The following ACKR2 variants were observed in gnomAD, a reference collection of about 807,000 sequenced individuals.
ACKR2 encodes atypical chemokine receptor 2, also known as C-C chemokine receptor D6.
For synonymous variants in ACKR2, 207 were observed against 192.2 expected, an observed-to-expected ratio of 1.08 and a Z score of -0.64; for missense variants, 457 against 477.3, an observed-to-expected ratio of 0.96 and a Z score of 0.40.
At chr3:42,844,005 C>G (rs1023097424) in intron 2 of ACKR2, 1 of 152,222 alleles carries the variant, frequency 6.6e-6, no homozygotes, top group Admixed American at 6.5e-5. Context: ...TCTACCTCTC[C>G]GGGAACCCGC....
rs1311411226 is a variant in ACKR2, at chr3:42,866,051, A to T, written c.*394A>T. On this transcript the variant is annotated 3_prime_UTR_variant, in exon 3 of 3. Coordinates refer to ENST00000422265, the MANE Select transcript of ACKR2 (RefSeq NM_001296.5). ...GAATGCAGTGGCGAGATCTCCGCTC[A>T]CTGTAGCCTCCTCCCCCTGGGTTGA... The T allele has an allele frequency of 5.6e-6, 1 of 179,848 alleles. No individual in the cohort carries two copies. The highest frequency in any genetic ancestry group is 1.6e-4 in the East Asian group (1 of 6,386). 11.1% of individuals were successfully genotyped at this position (179,848 alleles called of 1,614,324 possible).
chr3:42,836,304 G>C (rs1425338932), intron 2 of ACKR2, among the ~76,000 whole-genome samples: 2 of 152,122 alleles, frequency 1.3e-5, no homozygotes, highest in African/African-American at 4.8e-5. Context: ...GGATCAAGAT[G>C]AACCCTAGAG....
intron 2 of ACKR2, among the ~76,000 whole-genome samples, chr3:42,829,836 G>T (rs1244018200): frequency 6.6e-6 from 1 of 152,170 alleles, no homozygotes; most frequent in Non-Finnish European, 1.5e-5. Flanking sequence ...TGAAGGGGCT[G>T]TACCTTGACT....
In ACKR2 at chr3:42,865,197, G is replaced by A. The variant is rs781335034; in HGVS notation, c.695G>A (p.Arg232His). The change falls in exon 3 of 3, where the codon CGT becomes CAT. Residue 232 changes from arginine to histidine, a missense_variant. Physicochemically the swap from Arg to His is conservative, Grantham distance 29 (BLOSUM62 0). Coordinates refer to ENST00000422265, the MANE Select transcript of ACKR2 (RefSeq NM_001296.5). ...CTTGCCATGATCTTCTTCTACTCCC[G>A]TATTGGTTGTGTCTTGGTGAGGCTG... ...PLLAMIFFYSRIGCVLVRLRP... is the reference protein window; with the variant it reads ...PLLAMIFFYSHIGCVLVRLRP... The A allele has an allele frequency of 5.6e-6, 9 of 1,613,992 alleles. No individual in the cohort carries two copies. Among genetic ancestry groups the A allele is most frequent in the South Asian group, 4.4e-5 (4 of 91,082 alleles).
At chr3:42,827,255 A>T (rs1016111223) in intron 2 of ACKR2, among the ~76,000 whole-genome samples, 1 of 152,198 alleles carries the variant, frequency 6.6e-6, no homozygotes, top group Admixed American at 6.5e-5. Flanking sequence ...ACCTGGTTAA[A>T]CATTATTCAT....
chr3:42,847,545 C>T (rs1575387056), intron 2 of ACKR2, among the ~76,000 whole-genome samples: 1 of 152,206 alleles, frequency 6.6e-6, no homozygotes, highest in African/African-American at 2.4e-5. Flanking sequence ...TGGACTGACT[C>T]TCTCATGAGT....
At chr3:42,840,694 T>C (rs903590592) in intron 2 of ACKR2, among the ~76,000 whole-genome samples, 1 of 152,206 alleles carries the variant, frequency 6.6e-6, no homozygotes, top group African/African-American at 2.4e-5. Flanking sequence ...TTGTTTTGTT[T>C]TGTTTTTTGT....
At chr3:42,845,521 C>A (rs1057191170) in intron 2 of ACKR2, among the ~76,000 whole-genome samples, 3 of 152,292 alleles carry the variant, frequency 2.0e-5, no homozygotes, top group Admixed American at 6.5e-5. Context: ...GGGACCATAT[C>A]TGGCTAATTT....
chr3:42,855,813 G>A (rs2088311339), intron 2 of ACKR2, among the ~76,000 whole-genome samples: 1 of 152,210 alleles, frequency 6.6e-6, no homozygotes, highest in Non-Finnish European at 1.5e-5. Flanking sequence ...TGTAGAGAGA[G>A]AACAAAGGTG....
intron 2 of ACKR2, among the ~76,000 whole-genome samples, chr3:42,837,067 AC>A (rs1700993114): frequency 6.6e-6 from 1 of 152,058 alleles, no homozygotes; most frequent in Middle Eastern, 3.2e-3. Flanking sequence ...AATGTGCAAG[AC>A]CCTAGGATGC....
intron 1 of ACKR2, among the ~76,000 whole-genome samples, chr3:42,812,902 T>C (rs1407084647): frequency 6.6e-6 from 1 of 151,974 alleles, no homozygotes; most frequent in Non-Finnish European, 1.5e-5. Flanking sequence ...TTGGCCAAGC[T>C]GGTCTCAAAG....
intron 2 of ACKR2, among the ~76,000 whole-genome samples, chr3:42,854,878 T>C (rs1358477890): frequency 3.4e-5 from 5 of 148,564 alleles, no homozygotes; most frequent in Non-Finnish European, 6.0e-5. Context: ...TTTTTTGAGA[T>C]GGAGTTTCAC....
Position 42,866,046 on chromosome 3 carries a change from C to T in ACKR2, c.*389C>T, listed in dbSNP as rs555450702. On this transcript the variant is annotated 3_prime_UTR_variant, in exon 3 of 3. Coordinates refer to ENST00000422265, the MANE Select transcript of ACKR2 (RefSeq NM_001296.5). ...GGCTGGAATGCAGTGGCGAGATCTC[C>T]GCTCACTGTAGCCTCCTCCCCCTGG... is the stretch of plus-strand genomic sequence containing the variant. The T allele has an allele frequency of 2.7e-4, 53 of 198,212 alleles. No individual in the cohort carries two copies. Among genetic ancestry groups the T allele is most frequent in the African/African-American group, 8.9e-4 (38 of 42,766 alleles). The allele number at this position is 198,212 out of a possible 1,614,324, so 12.3% of individuals were successfully genotyped here.
chr3:42,853,188 G>A (rs963206791), intron 2 of ACKR2, among the ~76,000 whole-genome samples: 26 of 152,194 alleles, frequency 1.7e-4, no homozygotes, highest in Non-Finnish European at 3.7e-4. Flanking sequence ...GCAAGCCCGA[G>A]GAAGGGGTGC....
At chr3:42,847,157 A>T (rs190446157) in intron 2 of ACKR2, among the ~76,000 whole-genome samples, 4 of 152,358 alleles carry the variant, frequency 2.6e-5, no homozygotes, top group Admixed American at 1.3e-4. Flanking sequence ...GTAAGTGAAG[A>T]TATTTTGATA....
chr3:42,846,090 G>A (rs926059346), intron 2 of ACKR2, among the ~76,000 whole-genome samples: 8 of 151,976 alleles, frequency 5.3e-5, no homozygotes, highest in Admixed American at 2.0e-4. Context: ...TTATAACATC[G>A]GGTTCGTGGG....
rs138703891 is a variant in ACKR2, at chr3:42,862,013, G to T, written c.-37-2453G>T. 3.6e-3 allele frequency among the ~76,000 whole-genome samples: 555 copies of T among 152,254 alleles called. 3 individuals are homozygous for T. The highest frequency in any genetic ancestry group is 0.012 in the African/African-American group (517 of 41,522). On this transcript the variant is annotated intron_variant, in intron 2 of 2. Transcript: ENST00000422265. ...ACATAGTATTGGAAGTTCTGGCCAG[G>T]GCAATCAGGCAAAGAGAAAGAAATA...
intron 2 of ACKR2, among the ~76,000 whole-genome samples, chr3:42,821,170 G>A (rs1165116064): frequency 6.6e-6 from 1 of 152,162 alleles, no homozygotes; most frequent in Non-Finnish European, 1.5e-5. Context: ...GATTACAGGC[G>A]TGAGCCACCA....
intron 2 of ACKR2, among the ~76,000 whole-genome samples, chr3:42,832,813 C>T (rs1219280457): frequency 6.6e-6 from 1 of 152,226 alleles, no homozygotes; most frequent in Non-Finnish European, 1.5e-5. Context: ...CCCACCTTAG[C>T]CTCCTGAGTA....
Sources: allele counts gnomAD v4.1 joint callset (sites outside exome capture counted in the v4.1 genomes callset), GRCh38; gene constraint gnomAD v4.1.1; transcripts MANE v1.5; gene names NCBI Gene and HGNC (gene_info 2026-07-23, HGNC 2026-07-21).